Variants in DCAF8 observed in about 807,000 individuals in gnomAD.
DCAF8 encodes DDB1- and CUL4-associated factor 8.
DCAF8 carries 20 observed loss-of-function variants against 68.0 expected under a neutral mutation model. The observed-to-expected ratio is 0.29, with a 90% confidence interval of 0.21 to 0.43. The LOEUF (loss-of-function observed/expected upper bound fraction) is 0.43, where lower values mean the gene tolerates loss of function less well. Ranked by LOEUF, DCAF8 falls within the 20% of genes least tolerant of loss-of-function variation. The pLI, the probability that DCAF8 is intolerant of heterozygous loss-of-function variation, is 1.00. For missense variants in DCAF8, 460 were observed against 771.0 expected (o/e 0.60, Z 4.78); for synonymous variants, 230 against 276.9 (o/e 0.83, Z 1.68).
chr1:160,255,507 G>A (rs1408265257), intron 2 of DCAF8, among the ~76,000 whole-genome samples: 1 of 152,182 alleles, frequency 6.6e-6, no homozygotes, highest in Non-Finnish European at 1.5e-5. Flanking sequence ...ATAATGATGA[G>A]GATTCAAACT....
rs146140364 is a variant in DCAF8 at position 160,247,363 on chromosome 1, G to C, written c.-26-3329C>G. 1.8e-3 allele frequency among the ~76,000 whole-genome samples: 276 copies of C among 152,250 alleles called. 4 individuals are homozygous for C. The East Asian group carries it at 0.027, about 15-fold the overall frequency. On this transcript the variant is annotated intron_variant, in intron 2 of 13. Transcript: ENST00000368074. ...ACCTAGATTTTTCTTGTCTTAATAAGAATAAAGCCTTAAATTTTTAACCAA... is the reference window on the plus strand; with the variant it reads ...ACCTAGATTTTTCTTGTCTTAATAACAATAAAGCCTTAAATTTTTAACCAA...
rs1158431405 is a variant in DCAF8 at position 160,217,292 on chromosome 1, C to A, written c.*300G>T. 5 of 299,920 alleles carry A rather than the reference C, an allele frequency of 1.7e-5. No individual in the cohort carries two copies. The highest frequency in any genetic ancestry group is 8.6e-5 in the African/African-American group (4 of 46,522). The allele number at this position is 299,920 out of a possible 1,614,324, so 18.6% of individuals were successfully genotyped here. A position where few individuals can be genotyped will look rare whatever the true frequency, so the allele number is the denominator to read the frequency against. ...AGAAAAAGAAACCCCATTCCCTATC[C>A]CAAACCAGTTAACAAAATAGGCTTC... On this transcript the variant is annotated 3_prime_UTR_variant, in exon 14 of 14. Coordinates refer to ENST00000368074, the MANE Select transcript of DCAF8 (RefSeq NM_015726.4).
At chr1:160,225,354 C>CT (rs1379915585) in intron 8 of DCAF8, among the ~76,000 whole-genome samples, 1 of 152,176 alleles carries the variant, frequency 6.6e-6, no homozygotes, top group Non-Finnish European at 1.5e-5. Flanking sequence ...CTCATTAGGC[C>CT]TCACCATCAA....
chr1:160,232,458 C>T (rs533272808), intron 6 of DCAF8, among the ~76,000 whole-genome samples: 13 of 151,942 alleles, frequency 8.6e-5, no homozygotes, highest in African/African-American at 1.5e-4. Context: ...CTGGACAACA[C>T]GGTGAAACCC....
intron 12 of DCAF8, 114 bp downstream of exon 12, chr1:160,218,735 G>GT: frequency 6.8e-7 from 1 of 1,472,484 alleles, no homozygotes; most frequent in Non-Finnish European, 9.3e-7. Context: ...GGGGGAGGGT[G>GT]TTAGAGCAGT....
intron 7 of DCAF8, among the ~76,000 whole-genome samples, chr1:160,227,100 T>C (rs536617163): frequency 6.6e-6 from 1 of 152,326 alleles, no homozygotes; most frequent in East Asian, 1.9e-4. Flanking sequence ...GAGGTTCACA[T>C]AATATTTGTA....
chr1:160,242,347 A>T (rs2101746249), intron 3 of DCAF8, among the ~76,000 whole-genome samples: 1 of 152,254 alleles, frequency 6.6e-6, no homozygotes, highest in South Asian at 2.1e-4. Context: ...CCCAAGGACC[A>T]CATTTGCTGA....
At chr1:160,254,788 A>G (rs962241822) in intron 2 of DCAF8, among the ~76,000 whole-genome samples, 2 of 148,476 alleles carry the variant, frequency 1.3e-5, no homozygotes, top group Non-Finnish European at 3.0e-5. Flanking sequence ...GACTCCATCT[A>G]AAAAAAAAAG....
chr1:160,217,257 G>T lies in DCAF8; in HGVS notation c.*335C>A. 5.2e-6 allele frequency: 1 copy of T among 192,046 alleles called. No individual in the cohort carries two copies. Among genetic ancestry groups the T allele is most frequent in the Non-Finnish European group, 1.1e-5 (1 of 94,986 alleles). The allele number at this position is 192,046 out of a possible 1,614,324, so 11.9% of individuals were successfully genotyped here. ...ACCCCTCCCCCAGCCCAAGAAACAA[G>T]GGAGATTAAAGAAAAAGAAACCCCA... On this transcript the variant is annotated 3_prime_UTR_variant, in exon 14 of 14. Transcript: ENST00000368074.
chr1:160,254,684 C>T (rs946158053), intron 2 of DCAF8, among the ~76,000 whole-genome samples: 2 of 151,678 alleles, frequency 1.3e-5, no homozygotes, highest in Admixed American at 6.6e-5. Flanking sequence ...CTTAGCTACT[C>T]GGAGGCTGAG....
intron 2 of DCAF8, among the ~76,000 whole-genome samples, chr1:160,258,676 T>C (rs1262361795): frequency 3.3e-5 from 5 of 151,308 alleles, no homozygotes; most frequent in South Asian, 2.1e-4. Flanking sequence ...TCCCAGCTAC[T>C]CAGCTGAGGT....
chr1:160,240,177 C>T lies in DCAF8; in HGVS notation c.243G>A (p.Met81Ile), dbSNP rs555946382. 6.2e-7 allele frequency: 1 copy of T among 1,613,994 alleles called. No homozygotes were observed. The highest frequency in any genetic ancestry group is 1.1e-5 in the South Asian group (1 of 91,036). Residue 81 changes from methionine to isoleucine, a missense_variant, in exon 4 of 14, where the codon ATG becomes ATA. Met to Ile is a conservative substitution (Grantham distance 10). This residue lies in a region of DCAF8 where 156 missense variants were observed against 181.4 expected (regional missense o/e 0.86). Coordinates refer to ENST00000368074, the MANE Select transcript of DCAF8 (RefSeq NM_015726.4). ...TAATGGAGTAATGACCAGTGTCCTC[C>T]ATGCTGTCAGAGTCCTTATCTTCAC... The part of the protein sequence containing the change: ...SSGEDKDSDS[M>I]EDTGHYSIND...
intron 2 of DCAF8, among the ~76,000 whole-genome samples, chr1:160,246,360 T>C (rs568161320): frequency 6.6e-6 from 1 of 152,338 alleles, no homozygotes; most frequent in African/African-American, 2.4e-5. Flanking sequence ...CCTGAACTTT[T>C]GACTCATAAT....
intron 11 of DCAF8, chr1:160,221,181 C>G (rs1040952122): frequency 6.6e-6 from 1 of 152,218 alleles, no homozygotes; most frequent in South Asian, 2.1e-4. Context: ...AAATGCTGGC[C>G]TGGGAGAGGG....
intron 2 of DCAF8, among the ~76,000 whole-genome samples, chr1:160,245,527 C>G (rs1375793362): frequency 6.6e-6 from 1 of 152,090 alleles, no homozygotes; most frequent in Non-Finnish European, 1.5e-5. Flanking sequence ...GACAGTAGCC[C>G]AAAGATTGTT....
chr1:160,232,501 C>T (rs1028496203), intron 6 of DCAF8, among the ~76,000 whole-genome samples: 3 of 152,064 alleles, frequency 2.0e-5, no homozygotes, highest in East Asian at 1.9e-4. Flanking sequence ...ATTAGCCGGG[C>T]GTGCTGGTAT....
chr1:160,239,354 C>G (rs1348712572), intron 4 of DCAF8: 4 of 1,318,944 alleles, frequency 3.0e-6, no homozygotes, highest in Non-Finnish European at 3.9e-6. Flanking sequence ...GGTAAAATAA[C>G]TTGGCCAAGA....
chr1:160,217,410 ATT>A lies in DCAF8; in HGVS notation c.*180_*181del. On this transcript the variant is annotated 3_prime_UTR_variant, in exon 14 of 14. Coordinates refer to ENST00000368074, the MANE Select transcript of DCAF8 (RefSeq NM_015726.4). ...AGCCCCATTCCAGGGCTCAACTCCC[ATT>A]CCTAGGTACTCTTTGTTGGTTCACT... The A allele has an allele frequency of 1.9e-6, 1 of 524,106 alleles. No individual in the cohort carries two copies. Among genetic ancestry groups the A allele is most frequent in the Non-Finnish European group, 3.4e-6 (1 of 296,966 alleles). 32.5% of individuals were successfully genotyped at this position (524,106 alleles called of 1,614,324 possible). A position where few individuals can be genotyped will look rare whatever the true frequency, so the allele number is the denominator to read the frequency against.
At chr1:160,238,845 T>C (rs1557835473) in intron 4 of DCAF8, 98 bp from the exon 5 acceptor site, 1 of 1,243,546 alleles carries the variant, frequency 8.0e-7, no homozygotes, top group Admixed American at 3.2e-5. Flanking sequence ...TACCCCCTTT[T>C]CTTACATGAC....
Sources: allele counts gnomAD v4.1 joint callset (sites outside exome capture counted in the v4.1 genomes callset), GRCh38; gene constraint gnomAD v4.1.1; regional missense constraint gnomAD v4.1.1; transcripts MANE v1.5; gene names NCBI Gene and HGNC (gene_info 2026-07-23, HGNC 2026-07-21).